Variants in WNT2B observed in about 807,000 individuals in gnomAD.
WNT2B encodes protein Wnt-2b.
In WNT2B, 19 loss-of-function variants were observed where a neutral mutation model predicts 40.5. That is an observed-to-expected ratio of 0.47 (90% CI 0.33 to 0.69). WNT2B has a LOEUF of 0.69. Among genes scored for constraint, WNT2B ranks in the 30% least tolerant of loss-of-function variants. The pLI is 0.02. For missense variants in WNT2B, 467 were observed against 556.4 expected, an observed-to-expected ratio of 0.84 and a Z score of 1.62; for synonymous variants, 220 against 211.9, an observed-to-expected ratio of 1.04 and a Z score of -0.33.
At position 112,516,293 on chromosome 1, in the gene WNT2B, G is replaced by A; in HGVS notation, c.557G>A (p.Gly186Asp). ...HHDQRGDFDWGGCSDNIHYGV... is the reference protein window; with the variant it reads ...HHDQRGDFDWDGCSDNIHYGV... Reference sequence around the variant, plus strand: ...GACCAGCGTGGGGACTTTGACTGGGGTGGCTGCAGTGACAACATCCACTAC... The same window carrying A: ...GACCAGCGTGGGGACTTTGACTGGGATGGCTGCAGTGACAACATCCACTAC... Residue 186 changes from glycine (G) to aspartate (D), a missense_variant, in exon 3 of 5, where the codon GGT (glycine) becomes GAT (aspartate). By Grantham distance (94) the Gly-to-Asp change is moderately conservative. This residue lies in a region of WNT2B where 330 missense variants were observed against 438.6 expected (regional missense o/e 0.75). Coordinates refer to ENST00000369684, the MANE Select transcript of WNT2B (RefSeq NM_024494.3). 1 of 1,614,112 alleles carries A rather than the reference G, an allele frequency of 6.2e-7. No individual in the cohort carries two copies. Among genetic ancestry groups the A allele is most frequent in the South Asian group, 1.1e-5 (1 of 91,064 alleles).
intron 1 of WNT2B, among the ~76,000 whole-genome samples, chr1:112,469,568 C>G (rs996248979): frequency 2.0e-5 from 3 of 150,644 alleles, no homozygotes; most frequent in Non-Finnish European, 4.4e-5. Context: ...AAGTTTATTC[C>G]TAGGTTTTTT....
intron 1 of WNT2B, among the ~76,000 whole-genome samples, chr1:112,483,949 T>G (rs1171929524): frequency 6.6e-6 from 1 of 150,704 alleles, no homozygotes; most frequent in Non-Finnish European, 1.5e-5. Context: ...ACCTCACACC[T>G]GTTAGAATTA....
intron 1 of WNT2B, among the ~76,000 whole-genome samples, chr1:112,468,252 C>T (rs879586514): frequency 5.9e-5 from 9 of 152,184 alleles, no homozygotes; most frequent in Admixed American, 3.3e-4. Context: ...ATGAGTCGTG[C>T]TGTAATACAC....
At chr1:112,466,931 A>G (rs1444421933) in exon 1 of WNT2B, 2 of 152,484 alleles carry the variant, frequency 1.3e-5, no homozygotes, top group Non-Finnish European at 2.9e-5. Flanking sequence ...AGGCACTAGG[A>G]TAGAGAAATA....
rs1652246903 is a variant in WNT2B at position 112,509,232 on chromosome 1, C to T, written c.-31C>T. On this transcript the variant is annotated 5_prime_UTR_variant, in exon 1 of 5. Coordinates refer to ENST00000369684, the MANE Select transcript of WNT2B (RefSeq NM_024494.3). This position sits in a 1 kb window ranked among gnomAD's most constrained non-coding sequence, Gnocchi z 4.2. ...AGAAGGTGCCCCGTCCACGCCCCTC[C>T]GGGCTGCGCGGCGGGAGTCTTCGGG... 1.3e-6 allele frequency: 2 copies of T among 1,492,488 alleles called. No individual in the cohort carries two copies. Among genetic ancestry groups the T allele is most frequent in the Non-Finnish European group, 8.9e-7 (1 of 1,129,174 alleles). The allele number at this position is 1,492,488 out of a possible 1,614,324, so 92.5% of individuals were successfully genotyped here. A position where few individuals can be genotyped will look rare whatever the true frequency, so the allele number is the denominator to read the frequency against.
chr1:112,509,284 G>A lies in WNT2B; in HGVS notation c.22G>A (p.Glu8Lys), dbSNP rs1652250099. MLRPGGA[E>K]EAAQLPLRRA... The stretch of plus-strand genomic sequence containing the variant: ...AGCTATGCTGAGACCGGGTGGTGCG[G>A]AGGAAGCTGCGCAGCTCCCGCTTCG... Residue 8 changes from glutamate (E) to lysine (K), a missense_variant, in exon 1 of 5, where the codon GAG (glutamate) becomes AAG (lysine). Physicochemically the swap from Glu to Lys is moderately conservative, Grantham distance 56. This residue lies in a region of WNT2B where 137 missense variants were observed against 117.7 expected (regional missense o/e 1.16). Transcript: ENST00000369684. This position sits in a 1 kb window ranked among gnomAD's most constrained non-coding sequence, Gnocchi z 4.2. 2.6e-6 allele frequency: 4 copies of A among 1,540,798 alleles called. No individual in the cohort carries two copies. Among genetic ancestry groups the A allele is most frequent in the South Asian group, 1.2e-5 (1 of 84,720 alleles).
chr1:112,513,501 A>G (rs1023675742), intron 1 of WNT2B, among the ~76,000 whole-genome samples: 2 of 116,314 alleles, frequency 1.7e-5, no homozygotes, highest in Admixed American at 1.2e-4. Flanking sequence ...TGGTGTCACC[A>G]GTGGTGATCC....
chr1:112,515,351 C>T lies in WNT2B; in HGVS notation c.403+257C>T, dbSNP rs748097180. Among the ~76,000 whole-genome samples the T allele has an allele frequency of 1.3e-5, 2 of 152,184 alleles. No homozygotes were observed. The highest frequency in any genetic ancestry group is 2.9e-5 in the Non-Finnish European group (2 of 68,040). On this transcript the variant is annotated intron_variant, in intron 2 of 4. Coordinates refer to ENST00000369684, the MANE Select transcript of WNT2B (RefSeq NM_024494.3). The surrounding 1 kb of genome is among the most constrained non-coding windows in gnomAD (Gnocchi z 4.4). ...TTCCCTAGAACCTCCATCTTTCTCC[C>T]TCATTTTCCTTGTCCTCCCCAATCC...
intron 1 of WNT2B, among the ~76,000 whole-genome samples, chr1:112,487,019 A>T (rs1651438224): frequency 6.6e-6 from 1 of 152,224 alleles, no homozygotes; most frequent in African/African-American, 2.4e-5. Flanking sequence ...GTTGTAAAAT[A>T]ATGTTCATAA....
In WNT2B at chr1:112,516,253, C is replaced by T. The variant is rs756133300; in HGVS notation, c.517C>T (p.Arg173Cys). The change falls in exon 3 of 5, where the codon CGT (arginine) becomes TGT (cysteine). Residue 173 changes from arginine to cysteine, a missense_variant. Arg to Cys is a radical substitution (Grantham distance 180, BLOSUM62 -3). Around this residue, in one of 2 missense-constraint regions of WNT2B, gnomAD observed 330 missense variants for 438.6 expected, o/e 0.75. Transcript: ENST00000369684. The stretch of plus-strand genomic sequence containing the variant: ...TGTGTGCAGCTGTGACCCCTACACC[C>T]GTGGCCGACACCATGACCAGCGTGG... ...LSVCSCDPYT[R>C]GRHHDQRGDF... The T allele has an allele frequency of 2.0e-5, 33 of 1,613,952 alleles. No homozygotes were observed. In the South Asian group the frequency reaches 2.4e-4, roughly 12 times the overall value.
chr1:112,505,311 G>T (rs1367363422), upstream of WNT2B, among the ~76,000 whole-genome samples: 2 of 152,212 alleles, frequency 1.3e-5, no homozygotes, highest in African/African-American at 4.8e-5. Flanking sequence ...AGCCTAGTGT[G>T]CCACCCACAG....
chr1:112,496,534 C>A (rs1423942745), intron 1 of WNT2B, among the ~76,000 whole-genome samples: 2 of 152,180 alleles, frequency 1.3e-5, no homozygotes, highest in Non-Finnish European at 2.9e-5. Context: ...GCCCACGAAA[C>A]CAAACAACTT....
upstream of WNT2B, among the ~76,000 whole-genome samples, chr1:112,505,720 A>G (rs568337427): frequency 6.6e-6 from 1 of 152,152 alleles, no homozygotes; most frequent in African/African-American, 2.4e-5. Context: ...CTGGCTCCAT[A>G]TTTGTTCTCT....
chr1:112,468,659 T>C (rs1168325426), intron 1 of WNT2B, among the ~76,000 whole-genome samples: 2 of 152,020 alleles, frequency 1.3e-5, no homozygotes, highest in Non-Finnish European at 2.9e-5. Flanking sequence ...TTATTATTAT[T>C]ATTTATTGTT....
intron 1 of WNT2B, among the ~76,000 whole-genome samples, chr1:112,479,486 A>C (rs1557907993): frequency 6.6e-6 from 1 of 151,634 alleles, no homozygotes; most frequent in African/African-American, 2.4e-5. Flanking sequence ...AGGCAGGAGA[A>C]TCGCTGGAAC....
Position 112,495,520 on chromosome 1 carries a change from C to T in WNT2B, c.-94-19354C>T, listed in dbSNP as rs1292697420. On this transcript the variant is annotated intron_variant, in intron 1 of 4. Coordinates refer to the WNT2B transcript ENST00000256640. ...AGGAGAATGGCGTGAACCCAGAAGG[C>T]GGAGCTTGCAGCCAGCCAAGAACGC... is the stretch of plus-strand genomic sequence containing the variant. 1.1e-4 allele frequency among the ~76,000 whole-genome samples: 17 copies of T among 151,452 alleles called. 1 individual carries two copies. In the East Asian group the frequency reaches 1.6e-3, roughly 14 times the overall value.
chr1:112,508,818 G>A, upstream of WNT2B: 1 of 991,242 alleles, frequency 1.0e-6, no homozygotes, highest in Non-Finnish European at 1.2e-6. The surrounding 1 kb of genome is among the most constrained non-coding windows in gnomAD (Gnocchi z 4.2). Context: ...CGGGAGCCCC[G>A]AGGGGCGGAG....
rs767407548 is a variant in WNT2B at position 112,517,313 on chromosome 1, C to T, written c.874C>T (p.Arg292Cys). The T allele has an allele frequency of 1.3e-5, 21 of 1,614,080 alleles. No homozygotes were observed. The highest frequency in any genetic ancestry group is 1.5e-5 in the Non-Finnish European group (18 of 1,180,016). Residue 292 changes from arginine to cysteine, a missense_variant, in exon 4 of 5, where the codon CGC (arginine) becomes TGC (cysteine). By Grantham distance (180) the Arg-to-Cys change is radical (BLOSUM62 -3). Around this residue, in one of 2 missense-constraint regions of WNT2B, gnomAD observed 330 missense variants for 438.6 expected, o/e 0.75. Coordinates refer to ENST00000369684, the MANE Select transcript of WNT2B (RefSeq NM_024494.3). ...CTTCACCGCAGCCCGCCAAGGCTAT[C>T]GCCGTGCCACCCGGACTGATCTTGT... ...ANFTAARQGY[R>C]RATRTDLVYF... is the part of the protein sequence containing the mutation.
chr1:112,493,427 G>A (rs1452871213), intron 1 of WNT2B, among the ~76,000 whole-genome samples: 1 of 152,100 alleles, frequency 6.6e-6, no homozygotes, highest in African/African-American at 2.4e-5. Context: ...AGACCAGCCT[G>A]GGCAACATAG....
Sources: gnomAD v4.1 joint callset for allele counts (sites outside exome capture counted in the v4.1 genomes callset) on GRCh38, gnomAD v4.1.1 for gene constraint, gnomAD v4.1.1 regional missense constraint, Gnocchi (gnomAD v3.1) non-coding constraint, MANE v1.5 for transcripts, NCBI Gene and HGNC (gene_info 2026-07-23, HGNC 2026-07-21) for gene names.